Variants in STK39 observed in about 807,000 individuals in gnomAD.
The protein encoded by STK39 is STE20/SPS1-related proline-alanine-rich protein kinase.
STK39 carries 20 observed loss-of-function variants against 77.8 expected under a neutral mutation model. The observed-to-expected ratio is 0.26, with a 90% CI of 0.18 to 0.37. The LOEUF (loss-of-function observed/expected upper bound fraction) is 0.37, where lower values mean the gene tolerates loss of function less well. Among genes scored for constraint, STK39 ranks in the 10% least tolerant of loss-of-function variants. The pLI is 1.00. For synonymous variants in STK39, 246 were observed against 234.1 expected, an observed-to-expected ratio of 1.05 and a Z score of -0.47; for missense variants, 479 against 656.5, an observed-to-expected ratio of 0.73 and a Z score of 2.95.
chr2:168,240,962 A>C (rs1426269200), intron 1 of STK39, among the ~76,000 whole-genome samples: 1 of 152,226 alleles, frequency 6.6e-6, no homozygotes, highest in Non-Finnish European at 1.5e-5. Context: ...CTCTGGCCAC[A>C]GAAGAGTCAC....
rs1338187742 is a variant in STK39, at chr2:168,242,557, AAAAATAT to A, written c.208+4664_208+4670del. On this transcript the variant is annotated intron_variant, in intron 1 of 17. Coordinates refer to ENST00000355999, the MANE Select transcript of STK39 (RefSeq NM_013233.3). ...GAGCAAGACTCTTACAAAAAAAAAA[AAAAATAT>A]ATATATATATATATATATATATATA... 3.7e-4 allele frequency among the ~76,000 whole-genome samples: 22 copies of A among 59,118 alleles called. 1 individual carries two copies. The highest frequency in any genetic ancestry group is 1.6e-3 in the African/African-American group (20 of 12,868). 38.8% of individuals were successfully genotyped at this position (59,118 alleles called of 152,430 possible).
chr2:168,214,093 A>T (rs986685522), intron 1 of STK39, among the ~76,000 whole-genome samples: 1 of 152,178 alleles, frequency 6.6e-6, no homozygotes, highest in Admixed American at 6.6e-5. Context: ...CTCTAGAGCC[A>T]GCCTGCCCAC....
intron 14 of STK39, among the ~76,000 whole-genome samples, chr2:168,025,542 T>C (rs932112144): frequency 2.0e-5 from 3 of 152,192 alleles, no homozygotes; most frequent in Non-Finnish European, 4.4e-5. Context: ...GTATTTCACA[T>C]GCACTCACAT....
At chr2:167,960,733 C>T (rs1216744942) in intron 17 of STK39, among the ~76,000 whole-genome samples, 1 of 152,088 alleles carries the variant, frequency 6.6e-6, no homozygotes, top group South Asian at 2.1e-4. Context: ...ACCCCAAATG[C>T]GGGTGCATTT....
At chr2:168,211,873 TTAAC>T (rs1689899575) in intron 1 of STK39, among the ~76,000 whole-genome samples, 1 of 152,234 alleles carries the variant, frequency 6.6e-6, no homozygotes, top group Admixed American at 6.5e-5. Context: ...GGTTCTCTTA[TTAAC>T]TAAGTCTATA....
intron 1 of STK39, among the ~76,000 whole-genome samples, chr2:168,225,781 G>GT (rs1690289186): frequency 6.6e-6 from 1 of 152,206 alleles, no homozygotes; most frequent in African/African-American, 2.4e-5. Flanking sequence ...CCTAAGAGCA[G>GT]TATTACATAA....
chr2:168,222,110 G>A (rs1414659968), intron 1 of STK39, among the ~76,000 whole-genome samples: 2 of 152,138 alleles, frequency 1.3e-5, no homozygotes, highest in Non-Finnish European at 2.9e-5. Flanking sequence ...ACAGTCTGCT[G>A]TTTTGGCTGA....
chr2:167,958,294 G>T (rs1364228832), intron 17 of STK39, among the ~76,000 whole-genome samples: 3 of 151,876 alleles, frequency 2.0e-5, no homozygotes, highest in Admixed American at 1.3e-4. Context: ...ATTATGTCAA[G>T]ATATTGAAGT....
intron 10 of STK39, among the ~76,000 whole-genome samples, chr2:168,086,963 G>A (rs995962411): frequency 2.6e-5 from 4 of 152,182 alleles, no homozygotes; most frequent in African/African-American, 7.2e-5. Context: ...TAAGAGCCAC[G>A]AAAGCAGAAT....
intron 1 of STK39, among the ~76,000 whole-genome samples, chr2:168,244,908 T>C (rs1178005404): frequency 2.0e-5 from 3 of 152,154 alleles, no homozygotes; most frequent in African/African-American, 7.2e-5. Flanking sequence ...CAACCATAAT[T>C]AACACTGCTG....
chr2:168,059,086 C>T (rs770989615), intron 14 of STK39, among the ~76,000 whole-genome samples: 3 of 152,192 alleles, frequency 2.0e-5, no homozygotes, highest in Non-Finnish European at 4.4e-5. Flanking sequence ...CTGCTTCAAA[C>T]GTTTGCAAGT....
intron 17 of STK39, among the ~76,000 whole-genome samples, chr2:167,961,209 G>T (rs536505946): frequency 1.3e-5 from 2 of 152,328 alleles, no homozygotes; most frequent in East Asian, 1.9e-4. Context: ...TTGGCAAAAT[G>T]TTGCCTTAGT....
At chr2:168,124,915 T>G (rs113263454) in intron 10 of STK39, among the ~76,000 whole-genome samples, 2 of 150,780 alleles carry the variant, frequency 1.3e-5, no homozygotes, top group African/African-American at 2.4e-5. Context: ...TGAGTGGGAG[T>G]TGAACAATGA....
chr2:168,231,836 C>T (rs558618938), intron 1 of STK39: 12 of 224,916 alleles, frequency 5.3e-5, no homozygotes, highest in South Asian at 1.7e-4. Flanking sequence ...CTCTGGGCTC[C>T]GCTCCCTCTC....
At chr2:168,044,328 T>C (rs6751071) in intron 14 of STK39, among the ~76,000 whole-genome samples, 24,168 of 152,170 alleles carry the variant, frequency 0.16, 2,036 homozygotes, top group Middle Eastern at 0.19. Context: ...AATAGATATA[T>C]GGTCCTTTCC....
At chr2:168,216,297 G>A (rs6741748) in intron 1 of STK39, among the ~76,000 whole-genome samples, 1 of 152,144 alleles carries the variant, frequency 6.6e-6, no homozygotes, top group Non-Finnish European at 1.5e-5. Flanking sequence ...GAGAAGGTAC[G>A]TCCTCACTCT....
At chr2:168,062,648 A>C (rs1180398109) in intron 14 of STK39, among the ~76,000 whole-genome samples, 3 of 152,194 alleles carry the variant, frequency 2.0e-5, no homozygotes, top group Admixed American at 1.3e-4. Context: ...TTGTAGCTAC[A>C]ACTCTGAAAA....
At chr2:168,146,641 C>T (rs187670585) in intron 5 of STK39, among the ~76,000 whole-genome samples, 1 of 152,194 alleles carries the variant, frequency 6.6e-6, no homozygotes, top group South Asian at 2.1e-4. Context: ...CAACCAACCA[C>T]AGAGTCTGAG....
chr2:167,981,490 A>G (rs1683415822), intron 16 of STK39, among the ~76,000 whole-genome samples: 1 of 152,238 alleles, frequency 6.6e-6, no homozygotes, highest in African/African-American at 2.4e-5. Flanking sequence ...AAATGTTTAA[A>G]GGGAACTTTT....
Sources: gnomAD v4.1 joint callset for allele counts (sites outside exome capture counted in the v4.1 genomes callset) on GRCh38, gnomAD v4.1.1 for gene constraint, MANE v1.5 for transcripts, NCBI Gene and HGNC (gene_info 2026-07-23, HGNC 2026-07-21) for gene names.